Variants in MLLT3 observed in about 807,000 individuals in gnomAD.
MLLT3 encodes the protein protein AF-9.
A neutral mutation model predicts 53.2 loss-of-function variants in MLLT3; 4 were observed. The observed-to-expected ratio is 0.08, with a 90% CI of 0.04 to 0.17. The LOEUF is 0.17. Among genes scored for constraint, MLLT3 ranks in the 10% least tolerant of loss-of-function variants. The probability of loss-of-function intolerance (pLI) is 1.00; values close to 1 mark genes in which losing one functional copy is unlikely to be tolerated. For synonymous variants in MLLT3, 283 were observed against 230.6 expected (o/e 1.23, Z -2.06); for missense variants, 569 against 684.0 (o/e 0.83, Z 1.87).
At chr9:20,573,652 A>C (rs1354684214) in intron 2 of MLLT3, among the ~76,000 whole-genome samples, 4 of 152,210 alleles carry the variant, frequency 2.6e-5, no homozygotes, top group Non-Finnish European at 5.9e-5. Context: ...GAAGCAATTT[A>C]AGAGAACTAA....
chr9:20,573,440 A>T (rs1209272818), intron 2 of MLLT3, among the ~76,000 whole-genome samples: 1 of 152,166 alleles, frequency 6.6e-6, no homozygotes, highest in Non-Finnish European at 1.5e-5. Flanking sequence ...TCAGCCTCCC[A>T]AAGTGCTGGG....
chr9:20,450,026 C>T (rs114710839), intron 3 of MLLT3, among the ~76,000 whole-genome samples: 128 of 152,340 alleles, frequency 8.4e-4, no homozygotes, highest in African/African-American at 8.9e-4. Context: ...GGTTGACTTA[C>T]GGCAGCATCC....
At chr9:20,418,100 C>T (rs1822917773) in intron 4 of MLLT3, among the ~76,000 whole-genome samples, 1 of 152,158 alleles carries the variant, frequency 6.6e-6, no homozygotes, top group Non-Finnish European at 1.5e-5. Flanking sequence ...TTTTACTTAT[C>T]AAAACCAACA....
intron 2 of MLLT3, among the ~76,000 whole-genome samples, chr9:20,563,962 G>A (rs767515473): frequency 2.6e-5 from 4 of 152,154 alleles, no homozygotes; most frequent in East Asian, 1.9e-4. Context: ...AGTCAGGATA[G>A]AAATCCATTT....
chr9:20,588,906 A>G (rs564435338), intron 2 of MLLT3, among the ~76,000 whole-genome samples: 1 of 151,830 alleles, frequency 6.6e-6, no homozygotes, highest in Admixed American at 6.6e-5. Flanking sequence ...CACCAGTTAG[A>G]ATGGCAATCA....
intron 2 of MLLT3, among the ~76,000 whole-genome samples, chr9:20,499,202 G>C (rs919013430): frequency 2.0e-5 from 3 of 152,002 alleles, no homozygotes; most frequent in African/African-American, 7.3e-5. Flanking sequence ...ACTGGACTTG[G>C]GCCAACAGTA....
At chr9:20,405,601 G>A (rs1050268788) in intron 5 of MLLT3, among the ~76,000 whole-genome samples, 4 of 152,158 alleles carry the variant, frequency 2.6e-5, no homozygotes, top group African/African-American at 4.8e-5. Flanking sequence ...TATAGATTAA[G>A]TAAGAAGATA....
intron 10 of MLLT3, among the ~76,000 whole-genome samples, chr9:20,350,331 CA>C (rs748602484): frequency 2.9e-4 from 44 of 152,278 alleles, no homozygotes; most frequent in Middle Eastern, 3.4e-3. Flanking sequence ...CGCGGTGGCT[CA>C]CGCCTGTAAT....
Position 20,414,244 on chromosome 9 carries a change from T to C in MLLT3, c.602A>G (p.Lys201Arg). ...TSFSKPHKLM[K>R]EHKEKPSKDS... Reference sequence around the variant, plus strand: ...TTTAGAAGGTTTTTCCTTGTGCTCCTTCATTAATTTGTGAGGCTTTGAAAA... The same window carrying C: ...TTTAGAAGGTTTTTCCTTGTGCTCCCTCATTAATTTGTGAGGCTTTGAAAA... The change falls in exon 5 of 11, where the codon AAG becomes AGG. Residue 201 changes from lysine (K) to arginine (R), a missense_variant. By Grantham distance (26) the Lys-to-Arg change is conservative (BLOSUM62 2). Coordinates refer to ENST00000380338, the MANE Select transcript of MLLT3 (RefSeq NM_004529.4). The C allele has an allele frequency of 6.2e-7, 1 of 1,613,848 alleles. No homozygotes were observed. The highest frequency in any genetic ancestry group is 8.5e-7 in the Non-Finnish European group (1 of 1,179,964).
At chr9:20,413,545 T>G (rs888471813) in intron 5 of MLLT3, among the ~76,000 whole-genome samples, 176 bp downstream of exon 5, 1 of 152,224 alleles carries the variant, frequency 6.6e-6, no homozygotes, top group Admixed American at 6.5e-5. Context: ...GATTCCTTAA[T>G]GACTTCATTT....
chr9:20,383,709 C>T (rs998289645), intron 5 of MLLT3, among the ~76,000 whole-genome samples: 6 of 151,864 alleles, frequency 4.0e-5, no homozygotes, highest in African/African-American at 1.4e-4. Context: ...CACCCTCTCC[C>T]CCATGATAGT....
intron 2 of MLLT3, among the ~76,000 whole-genome samples, chr9:20,491,738 T>C (rs1824953694): frequency 1.3e-5 from 2 of 152,146 alleles, no homozygotes; most frequent in South Asian, 4.1e-4. Flanking sequence ...AGATGATCTT[T>C]AAATAACCAC....
intron 2 of MLLT3, among the ~76,000 whole-genome samples, chr9:20,558,364 C>G (rs1278375384): frequency 6.6e-6 from 1 of 152,122 alleles, no homozygotes; most frequent in African/African-American, 2.4e-5. Context: ...AGTGCCTAAC[C>G]TCAAGTGATC....
chr9:20,583,256 G>A (rs1331914537), intron 2 of MLLT3, among the ~76,000 whole-genome samples: 4 of 152,144 alleles, frequency 2.6e-5, no homozygotes, highest in African/African-American at 9.7e-5. Flanking sequence ...AGGTGGGTTC[G>A]TGGTCTTGGA....
rs60526002 is a variant in MLLT3, at chr9:20,620,252, AACACACACACACACACACACACAC to A, written c.193+378_193+401del. 1.4e-4 allele frequency among the ~76,000 whole-genome samples: 20 copies of A among 142,606 alleles called. No individual in the cohort carries two copies. The highest frequency in any genetic ancestry group is 3.4e-4 in the African/African-American group (13 of 38,396). The allele number at this position is 142,606 out of a possible 152,430, so 93.6% of individuals were successfully genotyped here. On this transcript the variant is annotated intron_variant, in intron 2 of 10. Coordinates refer to ENST00000380338, the MANE Select transcript of MLLT3 (RefSeq NM_004529.4). This position sits in a 1 kb window ranked among gnomAD's most constrained non-coding sequence, Gnocchi z 6.1. ...AGGTAAATCTTAATTTCTCTAGGAA[AACACACACACACACACACACACAC>A]ACACACACACACACACACGCGCAAA...
intron 2 of MLLT3, among the ~76,000 whole-genome samples, chr9:20,616,012 T>A (rs1465140153): frequency 6.6e-6 from 1 of 152,170 alleles, no homozygotes; most frequent in Non-Finnish European, 1.5e-5. Flanking sequence ...AATTAATTTC[T>A]TTAAAATGTC....
intron 2 of MLLT3, among the ~76,000 whole-genome samples, chr9:20,580,767 T>C (rs1230761233): frequency 6.6e-6 from 1 of 152,220 alleles, no homozygotes; most frequent in South Asian, 2.1e-4. Flanking sequence ...CATTTTTGTA[T>C]AAAATATTTA....
intron 4 of MLLT3, among the ~76,000 whole-genome samples, chr9:20,424,437 G>T (rs1823092820): frequency 6.6e-6 from 1 of 152,092 alleles, no homozygotes; most frequent in Non-Finnish European, 1.5e-5. Context: ...CACATTAAAT[G>T]TTTTCAAATT....
At chr9:20,587,084 G>A (rs1819988569) in intron 2 of MLLT3, among the ~76,000 whole-genome samples, 2 of 151,028 alleles carry the variant, frequency 1.3e-5, no homozygotes, top group South Asian at 4.2e-4. Flanking sequence ...TGATTCTGCA[G>A]CTTAAAATAA....
Sources: allele counts gnomAD v4.1 joint callset (sites outside exome capture counted in the v4.1 genomes callset), GRCh38; gene constraint gnomAD v4.1.1; non-coding constraint Gnocchi (gnomAD v3.1); transcripts MANE v1.5; gene names NCBI Gene and HGNC (gene_info 2026-07-23, HGNC 2026-07-21).